The following CHM variants were observed in gnomAD, a reference collection of about 807,000 sequenced individuals.
CHM encodes CHM Rab escort protein.
Under a neutral mutation model 49.0 loss-of-function variants are expected in CHM, and 10 were observed. The observed-to-expected ratio is 0.20, with a 90% CI of 0.13 to 0.35. CHM has a LOEUF of 0.35. Ranked by LOEUF, CHM falls within the 10% of genes least tolerant of loss-of-function variation. CHM has a pLI of 1.00. For synonymous variants in CHM, 184 were observed against 167.5 expected (o/e 1.10, Z -0.76); for missense variants, 455 against 478.4 (o/e 0.95, Z 0.46).
At chrX:86,013,446 G>GA (rs1933160540) in intron 2 of CHM, among the ~76,000 whole-genome samples, 1 of 111,719 alleles carries the variant, frequency 9.0e-6, no homozygotes, top group Admixed American at 9.5e-5. Flanking sequence ...TTAAAACAAT[G>GA]AAATAGGCCA....
chrX:85,991,061 G>C (rs530911361), intron 2 of CHM, among the ~76,000 whole-genome samples: 33 of 111,827 alleles, frequency 3.0e-4, no homozygotes, highest in African/African-American at 8.8e-4. Flanking sequence ...ATCCAAGGTT[G>C]CTCGATGGGA....
At chrX:86,000,138 A>G (rs995827538) in intron 2 of CHM, among the ~76,000 whole-genome samples, 10 of 110,894 alleles carry the variant, frequency 9.0e-5, no homozygotes, top group African/African-American at 3.3e-4. Context: ...TTAATATTCA[A>G]TGTTTCCAAG....
intron 11 of CHM, 37 bp from the exon 12 acceptor site, chrX:85,894,321 A>G: frequency 2.0e-6 from 2 of 997,438 alleles, no homozygotes; most frequent in Non-Finnish European, 2.9e-6. Context: ...CACAGCTGTT[A>G]GATCTCATTT....
intron 14 of CHM, among the ~76,000 whole-genome samples, chrX:85,872,624 A>G (rs1423162562): frequency 8.9e-6 from 1 of 112,336 alleles, no homozygotes; most frequent in African/African-American, 3.2e-5. Flanking sequence ...CTACTGTAAA[A>G]TTAATTTTAT....
intron 2 of CHM, among the ~76,000 whole-genome samples, chrX:86,017,715 A>T (rs1203023507): frequency 9.0e-6 from 1 of 111,697 alleles, no homozygotes. Flanking sequence ...CATTACATTA[A>T]CATCACACAA....
At chrX:85,941,711 C>T (rs1929121515) in intron 8 of CHM, among the ~76,000 whole-genome samples, 3 of 110,922 alleles carry the variant, frequency 2.7e-5, no homozygotes, top group African/African-American at 6.6e-5. Context: ...ATGGAGACCA[C>T]GCGGCCTGCA....
intron 8 of CHM, among the ~76,000 whole-genome samples, chrX:85,949,460 G>A (rs1455497146): frequency 9.0e-6 from 1 of 111,065 alleles, no homozygotes; most frequent in African/African-American, 3.3e-5. Flanking sequence ...AGCTCCACAG[G>A]AGTGAGTAGC....
intron 9 of CHM, among the ~76,000 whole-genome samples, chrX:85,909,445 C>T (rs966764912): frequency 9.0e-6 from 1 of 110,712 alleles, no homozygotes; most frequent in Middle Eastern, 4.7e-3. Context: ...TACTGCATTC[C>T]CCCTAAGCAT....
chrX:85,917,335 C>G (rs1403399327), intron 8 of CHM, among the ~76,000 whole-genome samples: 3 of 111,180 alleles, frequency 2.7e-5, no homozygotes, highest in Non-Finnish European at 5.7e-5. Flanking sequence ...GGAAAAATAA[C>G]TATAGGGTAC....
intron 8 of CHM, among the ~76,000 whole-genome samples, chrX:85,949,978 AATATATATATATATATAT>A (rs200318878): frequency 4.7e-5 from 2 of 42,797 alleles, no homozygotes; most frequent in South Asian, 9.5e-4. Flanking sequence ...ACTGAAATTA[AATATATATATATATATAT>A]ATATATATAT....
At chrX:85,967,206 C>G (rs1304335402) in intron 4 of CHM, among the ~76,000 whole-genome samples, 1 of 111,725 alleles carries the variant, frequency 9.0e-6, no homozygotes, top group South Asian at 3.7e-4. Context: ...CCTCAGAAAG[C>G]AAAATTCTGT....
intron 1 of CHM, among the ~76,000 whole-genome samples, chrX:86,028,687 C>G (rs1320615917): frequency 9.0e-6 from 1 of 111,662 alleles, no homozygotes; most frequent in Non-Finnish European, 1.9e-5. Flanking sequence ...CCAGACTCTT[C>G]AAAAATTTTT....
intron 8 of CHM, among the ~76,000 whole-genome samples, chrX:85,913,980 G>A (rs944374373): frequency 1.8e-5 from 2 of 111,380 alleles, no homozygotes; most frequent in African/African-American, 6.5e-5. Flanking sequence ...AAGACTCCAT[G>A]GGGTTGCCAA....
chrX:85,982,400 T>C (rs1440565226), intron 2 of CHM, among the ~76,000 whole-genome samples: 4 of 112,031 alleles, frequency 3.6e-5, no homozygotes, highest in South Asian at 3.7e-4. Context: ...GGGAAACAGT[T>C]ATTCACATCA....
intron 1 of CHM, 136 bp downstream of exon 1, chrX:86,047,348 G>T (rs1307275083): frequency 3.4e-6 from 2 of 579,829 alleles, no homozygotes; most frequent in African/African-American, 4.5e-5. Context: ...GCTGACTCCG[G>T]ACTACCTCAC....
chrX:85,977,352 TCAAA>T (rs748112800), intron 4 of CHM, among the ~76,000 whole-genome samples: 1 of 112,531 alleles, frequency 8.9e-6, no homozygotes, highest in Non-Finnish European at 1.9e-5. Context: ...TTCGTTGTCT[TCAAA>T]CAAACCTTCC....
chrX:85,935,102 T>G (rs1928703448), intron 8 of CHM, among the ~76,000 whole-genome samples: 1 of 111,650 alleles, frequency 9.0e-6, no homozygotes, highest in South Asian at 3.8e-4. Flanking sequence ...CAGCATCTGC[T>G]TCTGGTGAGA....
intron 8 of CHM, among the ~76,000 whole-genome samples, chrX:85,941,847 A>ACAGCAG (rs962900815): frequency 9.0e-6 from 1 of 111,592 alleles, no homozygotes; most frequent in African/African-American, 3.2e-5. Flanking sequence ...GCATTCTGTA[A>ACAGCAG]CAGCAGCAGC....
intron 12 of CHM, among the ~76,000 whole-genome samples, chrX:85,886,221 C>T (rs2148134005): frequency 9.0e-6 from 1 of 111,443 alleles, no homozygotes; most frequent in Non-Finnish European, 1.9e-5. Flanking sequence ...ACATCCTTCC[C>T]CCCAAAAGTG....
Sources: gnomAD v4.1 joint callset for allele counts (sites outside exome capture counted in the v4.1 genomes callset) on GRCh38, gnomAD v4.1.1 for gene constraint, MANE v1.5 for transcripts, NCBI Gene and HGNC (gene_info 2026-07-23, HGNC 2026-07-21) for gene names.